The following LOXL2 variants were observed in gnomAD, a reference collection of about 807,000 sequenced individuals.
The protein encoded by LOXL2 is lysyl oxidase like 2.
LOXL2 carries 70 observed loss-of-function variants against 93.0 expected under a neutral mutation model. The observed-to-expected ratio is 0.75, with a 90% CI of 0.62 to 0.92. The LOEUF (loss-of-function observed/expected upper bound fraction) is 0.92, where lower values mean the gene tolerates loss of function less well. Ranked by LOEUF, LOXL2 falls within the 40% of genes least tolerant of loss-of-function variation. The probability of loss-of-function intolerance (pLI) is 0.00; values close to 1 mark genes in which losing one functional copy is unlikely to be tolerated. For synonymous variants in LOXL2, 438 were observed against 413.2 expected, an observed-to-expected ratio of 1.06 and a Z score of -0.73; for missense variants, 973 against 1,054.9, an observed-to-expected ratio of 0.92 and a Z score of 1.08.
At position 23,322,229 on chromosome 8, in the gene LOXL2, G is replaced by A; in HGVS notation, c.1203C>T (p.Ser401=). The A allele has an allele frequency of 6.2e-7, 1 of 1,614,162 alleles. No individual in the cohort carries two copies. The highest frequency in any genetic ancestry group is 8.5e-7 in the Non-Finnish European group (1 of 1,180,004). The part of the protein sequence containing the change: ...NEIQCTGNEK[S]IIDCKFNAES... ...CGGCATTGAACTTGCAGTCTATAAT[G>A]GACTTCTCATTGCCTGTGCACTGGA... The change falls in exon 7 of 14, where the codon TCC becomes TCT. Residue 401 remains serine (S), a synonymous_variant. Coordinates refer to ENST00000389131, the MANE Select transcript of LOXL2 (RefSeq NM_002318.3).
chr8:23,316,731 C>G, intron 9 of LOXL2: 1 of 536,990 alleles, frequency 1.9e-6, no homozygotes, highest in African/African-American at 1.9e-5. Context: ...CAGACTGCAG[C>G]CCCTCCCTCC....
chr8:23,311,225 C>T (rs1276766783), intron 9 of LOXL2, among the ~76,000 whole-genome samples: 1 of 152,180 alleles, frequency 6.6e-6, no homozygotes, highest in Admixed American at 6.6e-5. Flanking sequence ...TGTGAGTTCA[C>T]TGGCACCTGA....
At chr8:23,381,326 G>C (rs1804678068) in intron 1 of LOXL2, among the ~76,000 whole-genome samples, 1 of 151,996 alleles carries the variant, frequency 6.6e-6, no homozygotes, top group South Asian at 2.1e-4. Flanking sequence ...CACAATCTTG[G>C]TATAAATTCC....
At position 23,368,090 on chromosome 8, in the gene LOXL2, AGTC is replaced by A. The variant is rs763168805; in HGVS notation, c.259_261del (p.Asp87del). 1.2e-6 allele frequency: 2 copies of A among 1,614,088 alleles called. No individual in the cohort carries two copies. Among genetic ancestry groups the A allele is most frequent in the South Asian group, 2.2e-5 (2 of 91,086 alleles). Reference sequence around the variant, plus strand: ...ACGACGTGGGCAGCGTGGATGGAGAAGTCGTCATCGCACACGGTGCCCCACTGG... The same window carrying A: ...ACGACGTGGGCAGCGTGGATGGAGAAGTCATCGCACACGGTGCCCCACTGG... On this transcript the variant is annotated inframe_deletion, in exon 2 of 14. Transcript: ENST00000389131.
intron 3 of LOXL2, among the ~76,000 whole-genome samples, chr8:23,346,179 AAAT>A (rs1342730629): frequency 3.3e-5 from 4 of 121,226 alleles, no homozygotes; most frequent in African/African-American, 1.2e-4. Context: ...AAAATAAATA[AAAT>A]AATAAAATAA....
At position 23,332,492 on chromosome 8, in the gene LOXL2, CCA is replaced by C. The variant is rs1491108234; in HGVS notation, c.966+907_966+908del. Among the ~76,000 whole-genome samples the C allele has an allele frequency of 1.2e-4, 10 of 82,984 alleles. No homozygotes were observed. In the South Asian group the frequency reaches 1.6e-3, roughly 14 times the overall value. 54.4% of individuals were successfully genotyped at this position (82,984 alleles called of 152,430 possible). A position where few individuals can be genotyped will look rare whatever the true frequency, so the allele number is the denominator to read the frequency against. The stretch of plus-strand genomic sequence containing the variant: ...ACCCCCCACACACTCCCATACCCCC[CCA>C]CTCATACACACACATACACATCCCT... On this transcript the variant is annotated intron_variant, in intron 5 of 13. Transcript: ENST00000389131.
chr8:23,361,067 A>AT, intron 2 of LOXL2, among the ~76,000 whole-genome samples: 1 of 151,832 alleles, frequency 6.6e-6, no homozygotes, highest in Non-Finnish European at 1.5e-5. Context: ...CCCCTGGCTA[A>AT]TTTTTTGTAT....
At chr8:23,384,685 G>A (rs368850629) in intron 1 of LOXL2, among the ~76,000 whole-genome samples, 2 of 152,268 alleles carry the variant, frequency 1.3e-5, no homozygotes, top group African/African-American at 4.8e-5. Context: ...AGGCCGAGGC[G>A]GGCGGATCAC....
In LOXL2 at chr8:23,317,794, TGAG is replaced by T. The variant is rs531272928; in HGVS notation, c.1471-683_1471-681del. 2.2e-4 allele frequency among the ~76,000 whole-genome samples: 33 copies of T among 151,854 alleles called. 1 individual carries two copies. In the South Asian group the frequency reaches 6.3e-3, roughly 29 times the overall value. On this transcript the variant is annotated intron_variant, in intron 8 of 13. Transcript: ENST00000389131. ...CAGAGAAGTTTCCAGCAGAGAAAAATGAGGAGCAGAATTGGGATCGTCAGGTAC... is the reference window on the plus strand; with the variant it reads ...CAGAGAAGTTTCCAGCAGAGAAAAATGAGCAGAATTGGGATCGTCAGGTAC...
At chr8:23,303,538 G>A (rs1027433100) in intron 10 of LOXL2, 141 bp from the exon 11 acceptor site, 1 of 617,806 alleles carries the variant, frequency 1.6e-6, no homozygotes, top group Non-Finnish European at 2.9e-6. Flanking sequence ...TGGATGAGAG[G>A]CCTGAGGAAA....
chr8:23,302,559 T>C (rs1563183716), intron 11 of LOXL2, among the ~76,000 whole-genome samples: 3 of 152,300 alleles, frequency 2.0e-5, no homozygotes, highest in South Asian at 2.1e-4. Context: ...TGTAGGCCCA[T>C]GTCTCTCTGA....
chr8:23,367,415 C>T (rs1037471504), intron 2 of LOXL2, among the ~76,000 whole-genome samples: 3 of 152,144 alleles, frequency 2.0e-5, no homozygotes, highest in African/African-American at 7.2e-5. Context: ...AAAGAATAGG[C>T]TAACCAACGG....
At position 23,368,284 on chromosome 8, in the gene LOXL2, C is replaced by G. The variant is rs1804444606; in HGVS notation, c.68G>C (p.Ser23Thr). Residue 23 changes from serine (S) to threonine (T), a missense_variant, in exon 2 of 14, where the codon AGC (serine) becomes ACC (threonine). By Grantham distance (58) the Ser-to-Thr change is moderately conservative. Coordinates refer to ENST00000389131, the MANE Select transcript of LOXL2 (RefSeq NM_002318.3). ...LAMLALLSPL[S>T]LAQYDSWPHY... ...GGGCCAGCTGTCATACTGTGCCAGG[C>G]TCAGGGGGGACAGGAGGGCCAGCAT... The G allele has an allele frequency of 6.2e-7, 1 of 1,613,544 alleles. No individual in the cohort carries two copies. The highest frequency in any genetic ancestry group is 1.7e-5 in the Admixed American group (1 of 59,998).
rs527293553 is a variant in LOXL2, at chr8:23,403,571, G to C, written c.-84+383C>G. Among the ~76,000 whole-genome samples the C allele has an allele frequency of 1.5e-3, 231 of 152,204 alleles. 1 individual carries two copies. Among genetic ancestry groups the C allele is most frequent in the African/African-American group, 5.3e-3 (221 of 41,538 alleles). Reference sequence around the variant, plus strand: ...TCCCCCGCGTGCCCCACTCCTCAAAGCCAGAATTCCGGAGACGCTGTCCCT... The same window carrying C: ...TCCCCCGCGTGCCCCACTCCTCAAACCCAGAATTCCGGAGACGCTGTCCCT... On this transcript the variant is annotated intron_variant, in intron 1 of 13. Coordinates refer to ENST00000389131, the MANE Select transcript of LOXL2 (RefSeq NM_002318.3).
At chr8:23,360,894 G>T (rs73224485) in intron 2 of LOXL2, among the ~76,000 whole-genome samples, 56,611 of 151,486 alleles carry the variant, frequency 0.37, 11,131 homozygotes, top group African/African-American at 0.49. Flanking sequence ...GGTTTGTGGG[G>T]TTTTTTTTGT....
At chr8:23,359,730 A>C (rs377521370) in intron 3 of LOXL2, among the ~76,000 whole-genome samples, 84 of 152,188 alleles carry the variant, frequency 5.5e-4, no homozygotes, top group African/African-American at 1.9e-3. Context: ...ACATTTTCCC[A>C]CCCAAAGGGC....
intron 1 of LOXL2, among the ~76,000 whole-genome samples, chr8:23,369,076 C>T (rs932794587): frequency 1.3e-5 from 2 of 152,186 alleles, no homozygotes; most frequent in Non-Finnish European, 2.9e-5. Context: ...ACATGGGGGC[C>T]GGTGGAGAAG....
intron 7 of LOXL2, chr8:23,321,824 G>C: frequency 3.0e-6 from 1 of 334,800 alleles, no homozygotes; most frequent in South Asian, 4.8e-5. Context: ...TAAGGTTGTG[G>C]CTAGCCGGTC....
At chr8:23,305,436 C>T (rs769671268) in intron 10 of LOXL2, among the ~76,000 whole-genome samples, 1 of 152,162 alleles carries the variant, frequency 6.6e-6, no homozygotes, top group Admixed American at 6.5e-5. Context: ...GCCTCTTAGG[C>T]GTATGCGGTC....
Sources: allele counts gnomAD v4.1 joint callset (sites outside exome capture counted in the v4.1 genomes callset), GRCh38; gene constraint gnomAD v4.1.1; transcripts MANE v1.5; gene names NCBI Gene and HGNC (gene_info 2026-07-23, HGNC 2026-07-21).